Variants in IL1RAPL2 observed in about 807,000 individuals in gnomAD.
IL1RAPL2 encodes the protein X-linked interleukin-1 receptor accessory protein-like 2.
IL1RAPL2 carries 3 observed loss-of-function variants against 44.1 expected under a neutral mutation model. That is an observed-to-expected ratio of 0.07 (90% confidence interval 0.03 to 0.18). IL1RAPL2 has a LOEUF of 0.18. Ranked by LOEUF, IL1RAPL2 falls within the 10% of genes least tolerant of loss-of-function variation. IL1RAPL2 has a pLI of 1.00. For missense variants in IL1RAPL2, 391 were observed against 496.4 expected (o/e 0.79, Z 2.02); for synonymous variants, 181 against 178.8 (o/e 1.01, Z -0.10).
At chrX:104,965,568 A>G (rs1371114602) in intron 2 of IL1RAPL2, among the ~76,000 whole-genome samples, 1 of 111,626 alleles carries the variant, frequency 9.0e-6, no homozygotes, top group African/African-American at 3.3e-5. Context: ...TTCACAATCC[A>G]AAGTTATAAA....
chrX:105,621,995 G>A (rs997359582), intron 6 of IL1RAPL2, among the ~76,000 whole-genome samples: 5 of 109,475 alleles, frequency 4.6e-5, no homozygotes, highest in African/African-American at 1.7e-4. Context: ...AAGTAACGAT[G>A]GTTCAGTTCA....
intron 3 of IL1RAPL2, among the ~76,000 whole-genome samples, chrX:105,221,275 C>T (rs1197018557): frequency 9.0e-6 from 1 of 110,940 alleles, no homozygotes. Context: ...ATGTCAAACT[C>T]CCAATCTAGA....
At chrX:104,705,519 T>C (rs1438396824) in intron 2 of IL1RAPL2, among the ~76,000 whole-genome samples, 1 of 110,949 alleles carries the variant, frequency 9.0e-6, no homozygotes, top group Non-Finnish European at 1.9e-5. Context: ...TGAATAAACT[T>C]AAGGTTATTT....
intron 5 of IL1RAPL2, among the ~76,000 whole-genome samples, chrX:105,335,680 G>A (rs975563609): frequency 9.0e-6 from 1 of 110,829 alleles, no homozygotes; most frequent in Non-Finnish European, 1.9e-5. Flanking sequence ...CTTTCCAGTC[G>A]ACCACCTCAA....
At chrX:104,984,995 T>C (rs1032196840) in intron 2 of IL1RAPL2, among the ~76,000 whole-genome samples, 2 of 112,478 alleles carry the variant, frequency 1.8e-5, no homozygotes, top group Admixed American at 1.9e-4. Flanking sequence ...TCTTCCTTTA[T>C]GTTTATAAAA....
At chrX:105,520,570 T>C (rs770235124) in intron 6 of IL1RAPL2, among the ~76,000 whole-genome samples, 1 of 111,846 alleles carries the variant, frequency 8.9e-6, no homozygotes, top group South Asian at 3.7e-4. Flanking sequence ...CTTAAAATTG[T>C]GCCATATATT....
At chrX:105,175,151 T>C (rs144273231) in intron 2 of IL1RAPL2, among the ~76,000 whole-genome samples, 91 of 111,617 alleles carry the variant, frequency 8.2e-4, no homozygotes, top group African/African-American at 2.8e-3. Flanking sequence ...TGTACTATTA[T>C]TATCATCATT....
intron 10 of IL1RAPL2, among the ~76,000 whole-genome samples, chrX:105,760,738 C>A (rs1387729582): frequency 8.9e-6 from 1 of 112,062 alleles, no homozygotes; most frequent in African/African-American, 3.3e-5. Flanking sequence ...AATGATTAAT[C>A]AAAATTAATT....
intron 6 of IL1RAPL2, among the ~76,000 whole-genome samples, chrX:105,631,950 G>T (rs759555365): frequency 3.6e-5 from 4 of 110,851 alleles, no homozygotes; most frequent in Non-Finnish European, 7.6e-5. Context: ...TTCCTCATTA[G>T]TGCTCCCTCA....
At chrX:105,659,888 T>C (rs5916942) in intron 6 of IL1RAPL2, among the ~76,000 whole-genome samples, 35,000 of 108,337 alleles carry the variant, frequency 0.32, 4,333 homozygotes, top group Non-Finnish European at 0.38. Flanking sequence ...ATGTAGAAAA[T>C]ATCCTCAAAG....
chrX:104,622,519 A>G (rs1483905591), intron 1 of IL1RAPL2, among the ~76,000 whole-genome samples: 4 of 109,849 alleles, frequency 3.6e-5, no homozygotes, highest in Non-Finnish European at 7.6e-5. Context: ...TTTAATATGT[A>G]GAGAGATGAT....
At position 105,405,743 on chromosome X, in the gene IL1RAPL2, C is replaced by A. The variant is rs190814471; in HGVS notation, c.698-78570C>A. 390 of 969,231 alleles carry A rather than the reference C, an allele frequency of 4.0e-4. 2 individuals carry two copies. In the African/African-American group the frequency reaches 6.5e-3, roughly 16 times the overall value. 79.9% of individuals were successfully genotyped at this position (969,231 alleles called of 1,213,427 possible). A position where few individuals can be genotyped will look rare whatever the true frequency, so the allele number is the denominator to read the frequency against. ...ACTGATTGTCACACAAAAGTGTGTC[C>A]TACTTCAACACTCAGCATTCAAGAA... On this transcript the variant is annotated intron_variant, in intron 5 of 10. Transcript: ENST00000372582.
At chrX:105,571,786 T>C (rs908261121) in intron 6 of IL1RAPL2, among the ~76,000 whole-genome samples, 3 of 111,318 alleles carry the variant, frequency 2.7e-5, no homozygotes, top group African/African-American at 9.8e-5. Context: ...CATGAGAGCA[T>C]TGAGAGATAA....
chrX:105,031,970 G>A (rs113061469), intron 2 of IL1RAPL2, among the ~76,000 whole-genome samples: 4 of 111,261 alleles, frequency 3.6e-5, no homozygotes, highest in Non-Finnish European at 7.5e-5. Context: ...TGTATGTGTC[G>A]AGGAATTTAT....
chrX:104,737,270 G>A (rs1932030407), intron 2 of IL1RAPL2, among the ~76,000 whole-genome samples: 1 of 112,461 alleles, frequency 8.9e-6, no homozygotes, highest in Non-Finnish European at 1.9e-5. Flanking sequence ...CAAGCAATAT[G>A]TATGTACAGG....
At chrX:105,615,983 A>T in intron 6 of IL1RAPL2, among the ~76,000 whole-genome samples, 1 of 111,959 alleles carries the variant, frequency 8.9e-6, no homozygotes, top group East Asian at 2.8e-4. Context: ...AATTAAAATT[A>T]AATTAAAAGT....
chrX:104,809,895 C>A (rs904075823), intron 2 of IL1RAPL2, among the ~76,000 whole-genome samples: 1 of 110,813 alleles, frequency 9.0e-6, no homozygotes, highest in African/African-American at 3.3e-5. Flanking sequence ...ACCATTTGAC[C>A]CAGCCATCCC....
chrX:105,510,711 C>T (rs2036463226), intron 6 of IL1RAPL2, among the ~76,000 whole-genome samples: 1 of 111,527 alleles, frequency 9.0e-6, no homozygotes, highest in African/African-American at 3.3e-5. Flanking sequence ...AAGGACTGAA[C>T]TTACTGATGC....
rs752431709 is a variant in IL1RAPL2 at position 104,633,943 on chromosome X, C to T, written c.-19-24952C>T. Among the ~76,000 whole-genome samples, 7 of 110,979 alleles carry T rather than the reference C, an allele frequency of 6.3e-5. No homozygotes were observed. The South Asian group carries it at 1.6e-3, about 25-fold the overall frequency. The stretch of plus-strand genomic sequence containing the variant: ...TCTTTTAATTGTGATGTTAGGGTGT[C>T]AATTTTGGGTCTTTCCTGCTTTCTC... On this transcript the variant is annotated intron_variant, in intron 1 of 10. Transcript: ENST00000372582.
Sources: gnomAD v4.1 joint callset for allele counts (sites outside exome capture counted in the v4.1 genomes callset) on GRCh38, gnomAD v4.1.1 for gene constraint, MANE v1.5 for transcripts, NCBI Gene and HGNC (gene_info 2026-07-23, HGNC 2026-07-21) for gene names.